Variants in RNF8 observed in about 807,000 individuals in gnomAD.
The protein encoded by RNF8 is E3 ubiquitin-protein ligase RNF8.
Under a neutral mutation model 59.3 loss-of-function variants are expected in RNF8, and 8 were observed. The observed-to-expected ratio is 0.13, with a 90% CI of 0.08 to 0.24. RNF8 has a LOEUF of 0.24. Among genes scored for constraint, RNF8 ranks in the 10% least tolerant of loss-of-function variants. RNF8 has a pLI of 1.00. For synonymous variants in RNF8, 162 were observed against 200.0 expected (o/e 0.81, Z 1.60); for missense variants, 406 against 572.6 (o/e 0.71, Z 2.97).
chr6:37,388,596 G>A (rs1770601998), intron 7 of RNF8, among the ~76,000 whole-genome samples: 1 of 152,136 alleles, frequency 6.6e-6, no homozygotes, highest in African/African-American at 2.4e-5. Context: ...GGCCTGCAGG[G>A]CAGACTGATG....
At chr6:37,372,841 T>C (rs146750950) in intron 4 of RNF8, among the ~76,000 whole-genome samples, 9,916 of 152,196 alleles carry the variant, frequency 0.065, 1,057 homozygotes, top group African/African-American at 0.22. Flanking sequence ...TGGTGGCGCA[T>C]GCCTGTAATC....
At chr6:37,375,365 GA>G (rs1487861778) in intron 5 of RNF8, among the ~76,000 whole-genome samples, 4 of 152,190 alleles carry the variant, frequency 2.6e-5, no homozygotes, top group African/African-American at 9.7e-5. Context: ...ATGTTTAAGT[GA>G]AATATCCCAA....
intron 7 of RNF8, among the ~76,000 whole-genome samples, chr6:37,384,755 G>A (rs1770422474): frequency 1.3e-5 from 2 of 152,202 alleles, no homozygotes; most frequent in Admixed American, 1.3e-4. Context: ...CTCCTTTGCT[G>A]AAAGACAGCC....
intron 1 of RNF8, among the ~76,000 whole-genome samples, chr6:37,358,629 G>A (rs1228470470): frequency 6.6e-6 from 1 of 152,136 alleles, no homozygotes; most frequent in African/African-American, 2.4e-5. Flanking sequence ...AGAGTTTGTG[G>A]GGAGGAATAG....
chr6:37,393,383 G>A lies in RNF8; in HGVS notation c.*2625G>A, dbSNP rs1770778221. The A allele has an allele frequency of 6.6e-6, 1 of 152,174 alleles. No individual in the cohort carries two copies. The highest frequency in any genetic ancestry group is 6.5e-5 in the Admixed American group (1 of 15,270). The allele number at this position is 152,174 out of a possible 1,614,324, so 9.4% of individuals were successfully genotyped here. ...ACTTGCATTATTTGTCTGAGCTACA[G>A]AATGTTCTTTCCTTGGAGAGATATC... is the stretch of plus-strand genomic sequence containing the variant. On this transcript the variant is annotated 3_prime_UTR_variant, in exon 8 of 8. Coordinates refer to ENST00000373479, the MANE Select transcript of RNF8 (RefSeq NM_003958.4).
In RNF8 at chr6:37,393,169, A is replaced by G. The variant is rs1185362511; in HGVS notation, c.*2411A>G. Reference sequence around the variant, plus strand: ...AATCAATACAACAACATTAAAAGCCAGACTAGCGGAGTTTGAATCTTGGCC... The same window carrying G: ...AATCAATACAACAACATTAAAAGCCGGACTAGCGGAGTTTGAATCTTGGCC... On this transcript the variant is annotated 3_prime_UTR_variant, in exon 8 of 8. Transcript: ENST00000373479. The G allele has an allele frequency of 6.6e-6, 1 of 152,268 alleles. No individual in the cohort carries two copies. The highest frequency in any genetic ancestry group is 1.5e-5 in the Non-Finnish European group (1 of 68,060). 9.4% of individuals were successfully genotyped at this position (152,268 alleles called of 1,614,324 possible).
In RNF8 at chr6:37,368,697, A is replaced by C; in HGVS notation, c.454A>C (p.Thr152Pro). The C allele has an allele frequency of 6.2e-7, 1 of 1,614,036 alleles. No homozygotes were observed. Residue 152 changes from threonine (T) to proline (P), a missense_variant, in exon 3 of 8, where the codon ACT (threonine) becomes CCT (proline). Thr to Pro is a conservative substitution (Grantham distance 38). Around this residue, in one of 3 missense-constraint regions of RNF8, gnomAD observed 285 missense variants for 342.0 expected, o/e 0.83. Transcript: ENST00000373479. Reference protein sequence around the residue: ...QMIEKNKELRTKRKFSLDELA... With the variant: ...QMIEKNKELRPKRKFSLDELA... The stretch of plus-strand genomic sequence containing the variant: ...GATAGAAAAAAATAAGGAATTGAGA[A>C]CTAAAAGGAAATTCAGTTTGGATGA...
At position 37,392,806 on chromosome 6, in the gene RNF8, A is replaced by G; in HGVS notation, c.*2048A>G. 2.5e-6 allele frequency: 1 copy of G among 397,210 alleles called. No individual in the cohort carries two copies. The highest frequency in any genetic ancestry group is 4.4e-6 in the Non-Finnish European group (1 of 225,684). 24.6% of individuals were successfully genotyped at this position (397,210 alleles called of 1,614,324 possible). The stretch of plus-strand genomic sequence containing the variant: ...TATCTTTAGAGAGAAGATATTTTAA[A>G]AAGAAATACCTTTTTAAAAATTATT... On this transcript the variant is annotated 3_prime_UTR_variant, in exon 8 of 8. Transcript: ENST00000373479.
chr6:37,361,196 TG>T, intron 2 of RNF8: 1 of 454,188 alleles, frequency 2.2e-6, no homozygotes, highest in Non-Finnish European at 4.4e-6. Context: ...CTGGGTGTGG[TG>T]GCACATGCCT....
At chr6:37,385,523 A>T (rs1770459457) in intron 7 of RNF8, among the ~76,000 whole-genome samples, 1 of 151,832 alleles carries the variant, frequency 6.6e-6, no homozygotes, top group African/African-American at 2.4e-5. Flanking sequence ...GCTACTCAGG[A>T]GGCTGAGGCA....
At chr6:37,387,855 T>A (rs867372761) in intron 7 of RNF8, among the ~76,000 whole-genome samples, 27 of 151,846 alleles carry the variant, frequency 1.8e-4, no homozygotes, top group African/African-American at 6.1e-4. Flanking sequence ...GTATTTTAGG[T>A]GAAAGGACAA....
At chr6:37,374,144 A>G (rs169005) in intron 4 of RNF8, among the ~76,000 whole-genome samples, 20,444 of 152,208 alleles carry the variant, frequency 0.13, 4,087 homozygotes, top group African/African-American at 0.43. Context: ...AAAAATGACT[A>G]TCTAATTCTG....
At chr6:37,371,647 G>A in intron 4 of RNF8, 73 bp downstream of exon 4, 2 of 1,211,844 alleles carry the variant, frequency 1.7e-6, no homozygotes, top group East Asian at 2.3e-5. Context: ...ATGACCACTG[G>A]CTGCCTCTGC....
intron 2 of RNF8, among the ~76,000 whole-genome samples, chr6:37,362,597 T>C (rs1021844700): frequency 6.6e-6 from 1 of 152,252 alleles, no homozygotes; most frequent in African/African-American, 2.4e-5. Flanking sequence ...CCTGCACTTT[T>C]CTTTTGACTA....
intron 2 of RNF8, among the ~76,000 whole-genome samples, chr6:37,361,951 A>G (rs1366853750): frequency 6.6e-6 from 1 of 152,246 alleles, no homozygotes; most frequent in Non-Finnish European, 1.5e-5. Flanking sequence ...AGCCTTCTCT[A>G]TAATGAGCCA....
intron 4 of RNF8, among the ~76,000 whole-genome samples, chr6:37,372,331 T>C (rs1431423580): frequency 6.6e-6 from 1 of 152,204 alleles, no homozygotes; most frequent in Non-Finnish European, 1.5e-5. Flanking sequence ...ACCTTAACAG[T>C]GCTAACAGTC....
intron 7 of RNF8, among the ~76,000 whole-genome samples, chr6:37,387,166 T>C (rs1351549367): frequency 1.3e-5 from 2 of 152,200 alleles, no homozygotes; most frequent in African/African-American, 2.4e-5. Context: ...TGGATATATA[T>C]TCTGTCCAAC....
chr6:37,391,602 T>G lies in RNF8; in HGVS notation c.*844T>G, dbSNP rs1277366222. 1 of 152,196 alleles carries G rather than the reference T, an allele frequency of 6.6e-6. No homozygotes were observed. The highest frequency in any genetic ancestry group is 2.4e-5 in the African/African-American group (1 of 41,464). The allele number at this position is 152,196 out of a possible 1,614,324, so 9.4% of individuals were successfully genotyped here. A position where few individuals can be genotyped will look rare whatever the true frequency, so the allele number is the denominator to read the frequency against. On this transcript the variant is annotated 3_prime_UTR_variant, in exon 8 of 8. Coordinates refer to ENST00000373479, the MANE Select transcript of RNF8 (RefSeq NM_003958.4). The stretch of plus-strand genomic sequence containing the variant: ...CTTGATGTGCTTTTTTCTTTATTTT[T>G]CTTTTACATTAGAAGTTTTCTCTCT...
At chr6:37,370,478 A>T (rs1382759934) in intron 3 of RNF8, among the ~76,000 whole-genome samples, 2 of 152,234 alleles carry the variant, frequency 1.3e-5, no homozygotes, top group Non-Finnish European at 2.9e-5. Context: ...ACATGCCTCA[A>T]GGTATAGCTG....
Sources: allele counts gnomAD v4.1 joint callset (sites outside exome capture counted in the v4.1 genomes callset), GRCh38; gene constraint gnomAD v4.1.1; regional missense constraint gnomAD v4.1.1; transcripts MANE v1.5; gene names NCBI Gene and HGNC (gene_info 2026-07-23, HGNC 2026-07-21).